CFAP299: variants seen among roughly 807,000 people sequenced by gnomAD.
CFAP299 encodes the protein cilia- and flagella-associated protein 299.
In CFAP299, 21 loss-of-function variants were observed where a neutral mutation model predicts 27.0. The observed-to-expected ratio is 0.78, with a 90% CI of 0.55 to 1.12. The LOEUF (loss-of-function observed/expected upper bound fraction) is 1.12. Ranked by LOEUF, CFAP299 falls within the 50% of genes most tolerant of loss-of-function variation. CFAP299 has a pLI of 0.00. For synonymous variants in CFAP299, 104 were observed against 98.1 expected, an observed-to-expected ratio of 1.06 and a Z score of -0.36; for missense variants, 310 against 276.6, an observed-to-expected ratio of 1.12 and a Z score of -0.86.
intron 3 of CFAP299, among the ~76,000 whole-genome samples, chr4:80,704,371 T>C (rs1721697414): frequency 6.6e-6 from 1 of 151,596 alleles, no homozygotes; most frequent in African/African-American, 2.4e-5. Context: ...AGGTGGTCAC[T>C]TAAGAAGAGT....
At chr4:80,549,995 G>A (rs1485687332) in intron 2 of CFAP299, among the ~76,000 whole-genome samples, 1 of 151,746 alleles carries the variant, frequency 6.6e-6, no homozygotes, top group Non-Finnish European at 1.5e-5. Flanking sequence ...ATCAGTTTAT[G>A]AAATAACATA....
At chr4:80,681,724 A>G (rs1719856292) in intron 3 of CFAP299, among the ~76,000 whole-genome samples, 1 of 152,216 alleles carries the variant, frequency 6.6e-6, no homozygotes, top group South Asian at 2.1e-4. Context: ...ACAGATGGCA[A>G]AATGTATAAG....
chr4:80,924,555 T>A (rs985048806), intron 4 of CFAP299, among the ~76,000 whole-genome samples: 3 of 149,360 alleles, frequency 2.0e-5, no homozygotes, highest in Non-Finnish European at 4.5e-5. Context: ...TATATATATA[T>A]ATATATATCT....
At chr4:80,558,648 C>T (rs2110218496) in intron 2 of CFAP299, among the ~76,000 whole-genome samples, 1 of 151,112 alleles carries the variant, frequency 6.6e-6, no homozygotes, top group African/African-American at 2.4e-5. Context: ...TTTTATAATC[C>T]CAGATGCGAC....
chr4:80,869,769 C>T (rs902595093), intron 3 of CFAP299, among the ~76,000 whole-genome samples: 8 of 152,224 alleles, frequency 5.3e-5, no homozygotes, highest in African/African-American at 1.9e-4. Flanking sequence ...GCTTCGGCCT[C>T]CCAAAGTGCT....
chr4:80,821,344 A>G (rs1050617157), intron 3 of CFAP299, among the ~76,000 whole-genome samples: 2 of 152,174 alleles, frequency 1.3e-5, no homozygotes, highest in Non-Finnish European at 2.9e-5. Flanking sequence ...AAAAGTGTTT[A>G]TTTCTTCTTA....
intron 4 of CFAP299, among the ~76,000 whole-genome samples, chr4:80,933,538 C>T (rs2110220798): frequency 6.6e-6 from 1 of 152,086 alleles, no homozygotes; most frequent in South Asian, 2.1e-4. Flanking sequence ...GTAATATAGA[C>T]ATTTTTAAAT....
In CFAP299 at chr4:80,778,519, G is replaced by T. The variant is rs73829124; in HGVS notation, c.334-91474G>T. Among the ~76,000 whole-genome samples, 1,119 of 152,012 alleles carry T rather than the reference G, an allele frequency of 7.4e-3. 10 individuals carry two copies. Among genetic ancestry groups the T allele is most frequent in the African/African-American group, 0.025 (1,056 of 41,480 alleles). On this transcript the variant is annotated intron_variant, in intron 3 of 5. Transcript: ENST00000358105. ...TTCTACTGGCAGTTAAACTGAGTTT[G>T]TTTTGTTTTGTAGAAAATTACTGGT...
At chr4:80,881,619 G>C (rs1733711859) in intron 4 of CFAP299, among the ~76,000 whole-genome samples, 1 of 152,138 alleles carries the variant, frequency 6.6e-6, no homozygotes, top group Non-Finnish European at 1.5e-5. Flanking sequence ...TCTGAGTCTG[G>C]ACTAGTACAT....
chr4:80,426,312 A>G (rs371531704), intron 2 of CFAP299, among the ~76,000 whole-genome samples: 8 of 152,150 alleles, frequency 5.3e-5, no homozygotes, highest in Non-Finnish European at 4.4e-5. Context: ...ATATGCTAAT[A>G]TGATCATTAC....
chr4:80,933,366 A>G (rs192492762), intron 4 of CFAP299, among the ~76,000 whole-genome samples: 93 of 152,182 alleles, frequency 6.1e-4, no homozygotes, highest in African/African-American at 2.1e-3. Flanking sequence ...TGGCTATTTT[A>G]GGTTCCACAT....
At chr4:80,673,220 C>G (rs1741607199) in intron 3 of CFAP299, among the ~76,000 whole-genome samples, 1 of 152,164 alleles carries the variant, frequency 6.6e-6, no homozygotes, top group Non-Finnish European at 1.5e-5. Flanking sequence ...TCTTTGTTCT[C>G]ATTGGTTTCA....
chr4:80,833,202 T>G (rs1730390436), intron 3 of CFAP299, among the ~76,000 whole-genome samples: 1 of 152,162 alleles, frequency 6.6e-6, no homozygotes, highest in Non-Finnish European at 1.5e-5. Context: ...AAGACACAAT[T>G]TACAAACCCA....
At chr4:80,729,321 A>G (rs1052897370) in intron 3 of CFAP299, among the ~76,000 whole-genome samples, 6 of 152,202 alleles carry the variant, frequency 3.9e-5, no homozygotes, top group Admixed American at 2.6e-4. Flanking sequence ...GCAGCCTCTA[A>G]GATGGCTCTC....
chr4:80,386,009 G>A (rs1297063320), intron 2 of CFAP299, among the ~76,000 whole-genome samples: 2 of 152,238 alleles, frequency 1.3e-5, no homozygotes, highest in Admixed American at 1.3e-4. Context: ...CAGGAGAGGG[G>A]ACACCGGAAG....
intron 4 of CFAP299, among the ~76,000 whole-genome samples, chr4:80,889,880 G>C (rs1429791545): frequency 6.6e-6 from 1 of 152,020 alleles, no homozygotes; most frequent in South Asian, 2.1e-4. Context: ...AAAACATATA[G>C]TCATTTCAAT....
chr4:80,937,312 CTTTTTTT>C (rs70956081), intron 4 of CFAP299, among the ~76,000 whole-genome samples: 1,914 of 68,580 alleles, frequency 0.028, 21 homozygotes, highest in South Asian at 0.12. Context: ...TTTTTTCTTT[CTTTTTTT>C]TTTTTTTTTT....
chr4:80,584,140 T>C (rs1736314309), intron 3 of CFAP299, among the ~76,000 whole-genome samples: 1 of 151,802 alleles, frequency 6.6e-6, no homozygotes, highest in African/African-American at 2.4e-5. Context: ...TTTAAAAGGG[T>C]GAGGATGGAA....
rs1003123989 is a variant in CFAP299 at position 80,406,724 on chromosome 4, T to A, written c.242+43840T>A. Among the ~76,000 whole-genome samples, 4 of 152,102 alleles carry A rather than the reference T, an allele frequency of 2.6e-5. No individual in the cohort carries two copies. The East Asian group carries it at 7.7e-4, about 29-fold the overall frequency. On this transcript the variant is annotated intron_variant, in intron 2 of 5. Transcript: ENST00000358105. ...TTACATCTATCAGGTCAAAAAAAAATTTCAAAGTCCAATACTAGTGAAACC... is the reference window on the plus strand; with the variant it reads ...TTACATCTATCAGGTCAAAAAAAAAATTCAAAGTCCAATACTAGTGAAACC...
Sources: gnomAD v4.1 joint callset for allele counts (sites outside exome capture counted in the v4.1 genomes callset) on GRCh38, gnomAD v4.1.1 for gene constraint, MANE v1.5 for transcripts, NCBI Gene and HGNC (gene_info 2026-07-23, HGNC 2026-07-21) for gene names.